The following GNB3 variants were observed in gnomAD, a reference collection of about 807,000 sequenced individuals.
The protein encoded by GNB3 is guanine nucleotide-binding protein G(I)/G(S)/G(T) subunit beta-3.
A neutral mutation model predicts 41.2 loss-of-function variants in GNB3; 33 were observed. The ratio of observed to expected loss-of-function variants is 0.80; its 90% CI spans 0.61 to 1.07. The LOEUF (loss-of-function observed/expected upper bound fraction) is 1.07. GNB3 is among the 50% of genes least tolerant of loss of function. GNB3 has a pLI of 0.00. For synonymous variants in GNB3, 172 were observed against 173.4 expected, an observed-to-expected ratio of 0.99 and a Z score of 0.06; for missense variants, 409 against 455.3, an observed-to-expected ratio of 0.90 and a Z score of 0.92.
chr12:6,843,566 G>A lies in GNB3; in HGVS notation c.430+41G>A. The A allele has an allele frequency of 6.2e-7, 1 of 1,611,336 alleles. No individual in the cohort carries two copies. Among genetic ancestry groups the A allele is most frequent in the East Asian group, 2.2e-5 (1 of 44,864 alleles). ...TCTCCTCCCCTCCTGAGGGGTTCAG[G>A]GAACCCTGGGCTTCCAGTGGGCTGT... On this transcript the variant is annotated intron_variant, in intron 6 of 9. Transcript: ENST00000229264. The surrounding 1 kb of genome is among the most constrained non-coding windows in gnomAD (Gnocchi z 5.9).
At chr12:6,846,724 C>T in intron 9 of GNB3, 68 bp from the exon 10 acceptor site, 2 of 834,810 alleles carry the variant, frequency 2.4e-6, no homozygotes, top group Non-Finnish European at 4.0e-6. Context: ...CATACACTTA[C>T]ACGCATGCAC....
In GNB3 at chr12:6,845,587, T is replaced by C. The variant is rs782424609; in HGVS notation, c.701T>C (p.Phe234Ser). The change falls in exon 9 of 10, where the codon TTC becomes TCC. Residue 234 changes from phenylalanine to serine, a missense_variant and splice_region_variant. By Grantham distance (155) the Phe-to-Ser change is radical. Transcript: ENST00000229264. ...GHESDINAIC[F>S]FPNGEAICTG... is the part of the protein sequence containing the mutation. The stretch of plus-strand genomic sequence containing the variant: ...CCCACTTGCCACCCGTGCCCTCAGT[T>C]CTTCCCCAATGGAGAGGCCATCTGC... 1.2e-6 allele frequency: 2 copies of C among 1,607,496 alleles called. No individual in the cohort carries two copies. Among genetic ancestry groups the C allele is most frequent in the South Asian group, 2.2e-5 (2 of 91,052 alleles).
chr12:6,844,088 A>ACTGT (rs1555124060), intron 8 of GNB3, 110 bp downstream of exon 8: 15 of 341,932 alleles, frequency 4.4e-5, no homozygotes, highest in Non-Finnish European at 5.4e-5. Context: ...GCCCTTTCTT[A>ACTGT]CTGTATTTTT....
intron 9 of GNB3, chr12:6,846,434 G>A (rs1325604322): frequency 5.0e-6 from 1 of 198,076 alleles, no homozygotes; most frequent in East Asian, 1.1e-4. Context: ...GTGCCCTCGG[G>A]TTTTTTCATA....
intron 9 of GNB3, chr12:6,846,050 G>A: frequency 1.9e-6 from 1 of 517,836 alleles, no homozygotes; most frequent in Non-Finnish European, 3.5e-6. Flanking sequence ...TAGGAGATCT[G>A]TGGACCATGA....
chr12:6,841,850 G>A, intron 3 of GNB3: 1 of 692,014 alleles, frequency 1.4e-6, no homozygotes, highest in South Asian at 1.5e-5. Flanking sequence ...CGTAGAACAA[G>A]AGTGACCACA....
chr12:6,841,983 C>A, intron 3 of GNB3: 1 of 391,334 alleles, frequency 2.6e-6, no homozygotes, highest in Admixed American at 3.9e-5. Flanking sequence ...CACATTTCTT[C>A]ACATTTTGAC....
chr12:6,842,023 G>A (rs146400994), intron 3 of GNB3: 11 of 348,070 alleles, frequency 3.2e-5, no homozygotes, highest in African/African-American at 2.3e-4. Flanking sequence ...ATTCAGCAAT[G>A]GATCATTGTT....
At chr12:6,844,068 A>T in intron 8 of GNB3, 90 bp downstream of exon 8, 1 of 630,882 alleles carries the variant, frequency 1.6e-6, no homozygotes, top group Non-Finnish European at 2.6e-6. Context: ...CCCCTCCCAT[A>T]GCTTCCCTAG....
chr12:6,841,475 C>T (rs1220968942), intron 2 of GNB3, 111 bp from the exon 3 acceptor site: 14 of 1,185,800 alleles, frequency 1.2e-5, no homozygotes, highest in Non-Finnish European at 1.7e-5. Context: ...ACTTGGTTCG[C>T]ATATTTGAGA....
Position 6,847,183 on chromosome 12 carries a change from C to T in GNB3, c.*285C>T. The T allele has an allele frequency of 7.6e-6, 3 of 396,600 alleles. No homozygotes were observed. Among genetic ancestry groups the T allele is most frequent in the Non-Finnish European group, 1.4e-5 (3 of 213,796 alleles). The allele number at this position is 396,600 out of a possible 1,614,324, so 24.6% of individuals were successfully genotyped here. ...CTGCCCCTCCCCAGCCCTTTGCAGG[C>T]CCAGCAGACTTGAGTCTGAGGCCCC... On this transcript the variant is annotated 3_prime_UTR_variant, in exon 10 of 10. Coordinates refer to ENST00000229264, the MANE Select transcript of GNB3 (RefSeq NM_002075.4).
intron 9 of GNB3, 69 bp from the exon 10 acceptor site, chr12:6,846,723 A>C (rs1393563559): frequency 2.7e-5 from 22 of 826,306 alleles, no homozygotes. Flanking sequence ...ACATACACTT[A>C]CACGCATGCA....
chr12:6,842,923 G>A (rs782130088), intron 3 of GNB3, 47 bp from the exon 4 acceptor site: 1 of 1,242,748 alleles, frequency 8.0e-7, no homozygotes, highest in African/African-American at 1.5e-5. Context: ...CAGACATCTG[G>A]GCACGTAACC....
intron 8 of GNB3, 119 bp downstream of exon 8, chr12:6,844,097 T>A: frequency 2.1e-6 from 1 of 471,566 alleles, no homozygotes. Context: ...TACTGTATTT[T>A]TTTTTTTTTT....
intron 8 of GNB3, among the ~76,000 whole-genome samples, chr12:6,844,267 A>G (rs1234874357): frequency 6.6e-6 from 1 of 150,794 alleles, no homozygotes; most frequent in Non-Finnish European, 1.5e-5. Flanking sequence ...ATGCCCGGCT[A>G]ATTTTTGTAT....
At position 6,843,775 on chromosome 12, in the gene GNB3, A is replaced by C. The variant is rs782317079; in HGVS notation, c.498-2A>C. 1.2e-6 allele frequency: 2 copies of C among 1,613,860 alleles called. No individual in the cohort carries two copies. Among genetic ancestry groups the C allele is most frequent in the Non-Finnish European group, 1.7e-6 (2 of 1,179,734 alleles). On this transcript the variant is annotated splice_acceptor_variant, in intron 7 of 9. Coordinates refer to ENST00000229264, the MANE Select transcript of GNB3 (RefSeq NM_002075.4). LOFTEE classifies it high-confidence loss of function. This position sits in a 1 kb window ranked among gnomAD's most constrained non-coding sequence, Gnocchi z 5.9. Reference sequence around the variant, plus strand: ...TCTAACAGTCTCCCTCCATTTTGGCAGTGCCTTGTGGGACATTGAGACTGG... The same window carrying C: ...TCTAACAGTCTCCCTCCATTTTGGCCGTGCCTTGTGGGACATTGAGACTGG...
Position 6,847,118 on chromosome 12 carries a change from C to G in GNB3, c.*220C>G, listed in dbSNP as rs1476208948. On this transcript the variant is annotated 3_prime_UTR_variant, in exon 10 of 10. Coordinates refer to ENST00000229264, the MANE Select transcript of GNB3 (RefSeq NM_002075.4). ...ATCTCCTCCCATGGCCTTCCCTCCC[C>G]ACAGTCCTCACAGCCTCTCCCTTAA... The G allele has an allele frequency of 3.7e-6, 2 of 539,078 alleles. No individual in the cohort carries two copies. The highest frequency in any genetic ancestry group is 6.7e-6 in the Non-Finnish European group (2 of 298,026). 33.4% of individuals were successfully genotyped at this position (539,078 alleles called of 1,614,324 possible).
Position 6,843,804 on chromosome 12 carries a change from G to A in GNB3, c.525G>A (p.Gln175=). 6.2e-7 allele frequency: 1 copy of A among 1,614,094 alleles called. No individual in the cohort carries two copies. The highest frequency in any genetic ancestry group is 8.5e-7 in the Non-Finnish European group (1 of 1,179,932). The change falls in exon 8 of 10, where the codon CAG becomes CAA. Residue 175 remains glutamine (Q), a synonymous_variant. Coordinates refer to ENST00000229264, the MANE Select transcript of GNB3 (RefSeq NM_002075.4). The surrounding 1 kb of genome is among the most constrained non-coding windows in gnomAD (Gnocchi z 5.9). ...TCALWDIETG[Q]QKTVFVGHTG... is the part of the protein sequence containing the mutation. Reference sequence around the variant, plus strand: ...CCTTGTGGGACATTGAGACTGGGCAGCAGAAGACTGTATTTGTGGGACACA... The same window carrying A: ...CCTTGTGGGACATTGAGACTGGGCAACAGAAGACTGTATTTGTGGGACACA...
Position 6,843,708 on chromosome 12 carries a change from A to T in GNB3, c.497+10A>T. On this transcript the variant is annotated intron_variant, in intron 7 of 9. Transcript: ENST00000229264. The surrounding 1 kb of genome is among the most constrained non-coding windows in gnomAD (Gnocchi z 5.9). ...CGGGGGACACCACGTGGTGAGGCTG[A>T]ACATTGCTGGTGCTGGGGCTTGGGA... The T allele has an allele frequency of 1.2e-6, 2 of 1,613,862 alleles. No homozygotes were observed. Among genetic ancestry groups the T allele is most frequent in the Non-Finnish European group, 1.7e-6 (2 of 1,179,720 alleles).
Sources: gnomAD v4.1 joint callset for allele counts (sites outside exome capture counted in the v4.1 genomes callset) on GRCh38, gnomAD v4.1.1 for gene constraint, Gnocchi (gnomAD v3.1) non-coding constraint, MANE v1.5 for transcripts, NCBI Gene and HGNC (gene_info 2026-07-23, HGNC 2026-07-21) for gene names.